Variants in MYRIP observed in about 807,000 individuals in gnomAD.
The protein encoded by MYRIP is rab effector MyRIP.
In MYRIP, 49 loss-of-function variants were observed where a neutral mutation model predicts 98.0. The observed-to-expected ratio is 0.50, with a 90% CI of 0.40 to 0.63. The LOEUF (loss-of-function observed/expected upper bound fraction) is 0.63, where lower values mean the gene tolerates loss of function less well. Among genes scored for constraint, MYRIP ranks in the 30% least tolerant of loss-of-function variants. MYRIP has a pLI of 0.00. For synonymous variants in MYRIP, 404 were observed against 409.5 expected (o/e 0.99, Z 0.16); for missense variants, 1,004 against 1,058.2 (o/e 0.95, Z 0.71).
rs3063561 is a variant in MYRIP at position 40,098,740 on chromosome 3, T to TTGTGTGTGTGTGTGTGTGTG, written c.333-52288_333-52269dup. Among the ~76,000 whole-genome samples the TTGTGTGTGTGTGTGTGTGTG allele has an allele frequency of 7.5e-3, 1,012 of 135,248 alleles. 19 individuals are homozygous for TTGTGTGTGTGTGTGTGTGTG. Among genetic ancestry groups the TTGTGTGTGTGTGTGTGTGTG allele is most frequent in the Middle Eastern group, 0.016 (4 of 246 alleles). 88.7% of individuals were successfully genotyped at this position (135,248 alleles called of 152,430 possible). On this transcript the variant is annotated intron_variant, in intron 3 of 16. Transcript: ENST00000302541. ...TGTGTATCTCTCTCTGTCTCTCTCA[T>TTGTGTGTGTGTGTGTGTGTG]TGTGTGTGTGTGTGTGTGTGTGTGT...
chr3:40,069,717 C>T (rs541930033), intron 3 of MYRIP, among the ~76,000 whole-genome samples: 80 of 152,248 alleles, frequency 5.3e-4, no homozygotes, highest in African/African-American at 1.8e-3. Context: ...CAGTGGTCCT[C>T]GACCTTTTTG....
At chr3:40,218,628 ATAT>A (rs1952222256) in intron 11 of MYRIP, among the ~76,000 whole-genome samples, 1 of 19,130 alleles carries the variant, frequency 5.2e-5, no homozygotes, top group African/African-American at 8.7e-5. Context: ...ATATATATAT[ATAT>A]ATATATATAT....
chr3:39,932,222 G>A (rs1259848450), intron 2 of MYRIP, among the ~76,000 whole-genome samples: 1 of 152,110 alleles, frequency 6.6e-6, no homozygotes, highest in Non-Finnish European at 1.5e-5. Flanking sequence ...GTCTTACCTG[G>A]TGATGGAAAG....
At chr3:39,987,152 C>T (rs1369848797) in intron 2 of MYRIP, among the ~76,000 whole-genome samples, 1 of 152,114 alleles carries the variant, frequency 6.6e-6, no homozygotes, top group Non-Finnish European at 1.5e-5. Context: ...TGCTCTCCCT[C>T]CCTTTGCCCT....
chr3:39,886,930 T>A (rs1943321728), intron 1 of MYRIP, among the ~76,000 whole-genome samples: 1 of 152,020 alleles, frequency 6.6e-6, no homozygotes, highest in South Asian at 2.1e-4. Context: ...ATTGACCACA[T>A]AGTTGGAAGT....
At chr3:39,922,257 T>C (rs1009683174) in intron 2 of MYRIP, among the ~76,000 whole-genome samples, 2 of 152,152 alleles carry the variant, frequency 1.3e-5, no homozygotes, top group Non-Finnish European at 2.9e-5. Flanking sequence ...GCCAAAGGAC[T>C]AGGAAAAGGG....
intron 11 of MYRIP, among the ~76,000 whole-genome samples, chr3:40,229,987 GTTAT>G (rs1163532778): frequency 6.6e-6 from 1 of 152,188 alleles, no homozygotes; most frequent in Non-Finnish European, 1.5e-5. Flanking sequence ...TAATAAATGT[GTTAT>G]TTAATTTGTA....
intron 1 of MYRIP, among the ~76,000 whole-genome samples, chr3:39,821,002 A>G (rs1011127458): frequency 6.6e-6 from 1 of 152,132 alleles, no homozygotes; most frequent in Non-Finnish European, 1.5e-5. Context: ...CAATGCTGAC[A>G]TTTTCCCCTT....
intron 1 of MYRIP, among the ~76,000 whole-genome samples, chr3:39,876,044 A>G (rs1942983131): frequency 6.6e-6 from 1 of 152,102 alleles, no homozygotes. Context: ...GTGCATATAT[A>G]TTTAGGATAG....
At chr3:39,948,150 T>G (rs1004273253) in intron 2 of MYRIP, among the ~76,000 whole-genome samples, 2 of 152,302 alleles carry the variant, frequency 1.3e-5, no homozygotes, top group South Asian at 4.1e-4. Context: ...TGATACATCA[T>G]CTGAATAAAC....
chr3:40,150,727 G>A (rs1178193043), intron 3 of MYRIP, among the ~76,000 whole-genome samples: 1 of 152,134 alleles, frequency 6.6e-6, no homozygotes, highest in Non-Finnish European at 1.5e-5. Flanking sequence ...CACCTATCTG[G>A]GAGTTGGCCG....
At chr3:39,912,910 T>C (rs1944058276) in intron 2 of MYRIP, among the ~76,000 whole-genome samples, 1 of 152,148 alleles carries the variant, frequency 6.6e-6, no homozygotes, top group Non-Finnish European at 1.5e-5. Flanking sequence ...TGTGGTGGCA[T>C]GCACCTGTGA....
intron 3 of MYRIP, among the ~76,000 whole-genome samples, chr3:40,137,304 G>T (rs965615497): frequency 6.6e-6 from 1 of 152,106 alleles, no homozygotes; most frequent in Admixed American, 6.5e-5. Context: ...TAAATTCCTC[G>T]ACACATACAG....
At chr3:39,935,245 G>A (rs1360169938) in intron 2 of MYRIP, among the ~76,000 whole-genome samples, 1 of 152,204 alleles carries the variant, frequency 6.6e-6, no homozygotes, top group African/African-American at 2.4e-5. Context: ...GGACTGGAAA[G>A]TCTCAAGTGT....
At chr3:40,030,281 A>G (rs554045274) in intron 2 of MYRIP, among the ~76,000 whole-genome samples, 1 of 152,268 alleles carries the variant, frequency 6.6e-6, no homozygotes, top group South Asian at 2.1e-4. Context: ...GCAAGTCAAA[A>G]GCATGAGATA....
At chr3:40,135,951 A>C (rs1272676739) in intron 3 of MYRIP, among the ~76,000 whole-genome samples, 1 of 152,224 alleles carries the variant, frequency 6.6e-6, no homozygotes, top group Non-Finnish European at 1.5e-5. Context: ...AAAGAACATC[A>C]AGGCTAGGAA....
intron 5 of MYRIP, among the ~76,000 whole-genome samples, chr3:40,166,525 ATT>A (rs10578673): frequency 0.089 from 13,489 of 152,062 alleles, 1,259 homozygotes; most frequent in African/African-American, 0.23. Context: ...ATCCGAGAAG[ATT>A]TGTTAGAGGA....
intron 3 of MYRIP, among the ~76,000 whole-genome samples, chr3:40,136,472 C>T (rs1251563562): frequency 2.0e-5 from 3 of 152,196 alleles, no homozygotes; most frequent in Non-Finnish European, 2.9e-5. Flanking sequence ...TTAGACACAT[C>T]AGTGAGACAG....
intron 3 of MYRIP, among the ~76,000 whole-genome samples, chr3:40,056,328 A>G (rs1047996119): frequency 2.6e-5 from 4 of 152,128 alleles, no homozygotes; most frequent in Admixed American, 6.6e-5. Flanking sequence ...ACATGGGAGA[A>G]CTTATCAGGT....
Sources: allele counts gnomAD v4.1 joint callset (sites outside exome capture counted in the v4.1 genomes callset), GRCh38; gene constraint gnomAD v4.1.1; transcripts MANE v1.5; gene names NCBI Gene and HGNC (gene_info 2026-07-23, HGNC 2026-07-21).